Variants in JAK1 observed in about 807,000 individuals in gnomAD.
JAK1 encodes the protein Janus kinase 1.
In JAK1, 16 loss-of-function variants were observed where a neutral mutation model predicts 136.6. The ratio of observed to expected loss-of-function variants is 0.12; its 90% CI spans 0.08 to 0.18. The LOEUF is 0.18. Among genes scored for constraint, JAK1 ranks in the 10% least tolerant of loss-of-function variants. The pLI is 1.00. For missense variants in JAK1, 859 were observed against 1,450.1 expected (o/e 0.59, Z 6.62); for synonymous variants, 492 against 519.5 (o/e 0.95, Z 0.72).
At chr1:64,915,489 A>T (rs140185354) in intron 1 of JAK1, among the ~76,000 whole-genome samples, 111 of 152,342 alleles carry the variant, frequency 7.3e-4, no homozygotes, top group African/African-American at 2.5e-3. Context: ...AAAGAGGGCC[A>T]GAGAAAGGTG....
intron 2 of JAK1, among the ~76,000 whole-genome samples, chr1:65,040,108 G>C (rs968009468): frequency 6.6e-6 from 1 of 151,902 alleles, no homozygotes; most frequent in African/African-American, 2.4e-5. Flanking sequence ...CCAGCTACTC[G>C]GGAGGCTGAG....
chr1:64,942,236 G>A lies in JAK1; in HGVS notation c.-78+24097C>T, dbSNP rs180850463. The A allele has an allele frequency of 6.6e-5, 10 of 152,242 alleles. No individual in the cohort carries two copies. In the East Asian group the frequency reaches 1.2e-3, roughly 18 times the overall value. The allele number at this position is 152,242 out of a possible 1,614,324, so 9.4% of individuals were successfully genotyped here. Reference sequence around the variant, plus strand: ...AAAGATATACATATACTTCGTGTGGGAATTTATCATCATTTCACTCTGGAT... The same window carrying A: ...AAAGATATACATATACTTCGTGTGGAAATTTATCATCATTTCACTCTGGAT... On this transcript the variant is annotated intron_variant, in intron 1 of 24. Transcript: ENST00000342505.
At position 64,860,266 on chromosome 1, in the gene JAK1, T is replaced by TCG. The variant is rs1656204844; in HGVS notation, c.1177-5_1177-4insCG. ...CGTGGGAAGAGAGCTTCAGTTCCTG[T>TCG]TGAGAGAGAAGAAATTCCCACGGTT... On this transcript the variant is annotated splice_region_variant and splice_polypyrimidine_tract_variant and intron_variant, in intron 8 of 24. Coordinates refer to ENST00000342505, the MANE Select transcript of JAK1 (RefSeq NM_002227.4). 6.3e-7 allele frequency: 1 copy of TCG among 1,599,520 alleles called. No individual in the cohort carries two copies. Among genetic ancestry groups the TCG allele is most frequent in the African/African-American group, 1.3e-5 (1 of 74,522 alleles).
At chr1:64,950,364 G>A (rs1355061121) in intron 1 of JAK1, among the ~76,000 whole-genome samples, 2 of 150,960 alleles carry the variant, frequency 1.3e-5, no homozygotes, top group African/African-American at 4.9e-5. Flanking sequence ...CCGAGATCAT[G>A]CCACTGCACT....
intron 1 of JAK1, among the ~76,000 whole-genome samples, chr1:65,065,831 G>T (rs1648016749): frequency 6.6e-6 from 1 of 151,548 alleles, no homozygotes; most frequent in Admixed American, 6.6e-5. Flanking sequence ...TCCATTAGAA[G>T]ACCCAGAGGG....
intron 1 of JAK1, among the ~76,000 whole-genome samples, chr1:64,922,239 T>C (rs1377245502): frequency 6.7e-6 from 1 of 149,582 alleles, no homozygotes; most frequent in African/African-American, 2.4e-5. Flanking sequence ...CCCTGTACCC[T>C]GTATAAATAA....
Position 65,062,215 on chromosome 1 carries a change from A to T in JAK1, c.-181+5389T>A, listed in dbSNP as rs375088376. ...CCCCTTCAAACATGTACTCAGCACA[A>T]ATATTTTTAGTCCAACTGTATACTC... On this transcript the variant is annotated intron_variant, in intron 1 of 25. Coordinates refer to the JAK1 transcript ENST00000671954. Among the ~76,000 whole-genome samples the T allele has an allele frequency of 1.5e-4, 23 of 152,230 alleles. 1 individual carries two copies. The highest frequency in any genetic ancestry group is 3.3e-4 in the Admixed American group (5 of 15,292).
chr1:65,054,153 G>A (rs1647419166), intron 1 of JAK1, among the ~76,000 whole-genome samples: 1 of 152,070 alleles, frequency 6.6e-6, no homozygotes, highest in African/African-American at 2.4e-5. Context: ...ATCCCTTAGG[G>A]AAGGTTACTG....
chr1:64,940,833 G>A (rs1180691335), intron 1 of JAK1, among the ~76,000 whole-genome samples: 1 of 152,118 alleles, frequency 6.6e-6, no homozygotes, highest in East Asian at 1.9e-4. Flanking sequence ...TTCAAGAACA[G>A]AAAAAATATA....
intron 1 of JAK1, among the ~76,000 whole-genome samples, chr1:64,927,906 C>T (rs554602826): frequency 9.2e-4 from 140 of 152,332 alleles, no homozygotes; most frequent in Non-Finnish European, 1.6e-3. Context: ...AAAGTGATGG[C>T]TGAAATCCAA....
chr1:64,974,017 T>C (rs1036861905), intron 2 of JAK1: 6 of 152,218 alleles, frequency 3.9e-5, no homozygotes, highest in Non-Finnish European at 8.8e-5. Context: ...GAATCATGTA[T>C]GTATATATAA....
At chr1:64,959,171 A>C (rs1006025797) in intron 1 of JAK1, among the ~76,000 whole-genome samples, 13 of 152,244 alleles carry the variant, frequency 8.5e-5, no homozygotes, top group African/African-American at 3.1e-4. Flanking sequence ...ATCACGTGGC[A>C]ACAACTGTTC....
At chr1:64,846,346 G>A (rs1023050349) in intron 14 of JAK1, among the ~76,000 whole-genome samples, 2 of 152,074 alleles carry the variant, frequency 1.3e-5, no homozygotes, top group African/African-American at 2.4e-5. Flanking sequence ...AGCTCCTTGG[G>A]CCTGACTCTT....
intron 1 of JAK1, among the ~76,000 whole-genome samples, chr1:64,931,339 T>C (rs7419168): frequency 0.98 from 148,434 of 152,124 alleles, 72,491 homozygotes; most frequent in East Asian, 1. Flanking sequence ...CCGCACTCCA[T>C]GCAGACTACA....
intron 2 of JAK1, among the ~76,000 whole-genome samples, chr1:65,015,993 A>G (rs989488629): frequency 1.3e-5 from 2 of 152,254 alleles, no homozygotes; most frequent in Non-Finnish European, 2.9e-5. Flanking sequence ...TATACATACA[A>G]TGGAATATTA....
intron 2 of JAK1, among the ~76,000 whole-genome samples, chr1:64,978,829 C>T (rs1402504346): frequency 1.3e-5 from 2 of 151,180 alleles, no homozygotes; most frequent in Non-Finnish European, 2.9e-5. Flanking sequence ...AGGACACTTG[C>T]ATGCTGGATG....
At chr1:65,067,309 C>G (rs536966267) in intron 1 of JAK1, among the ~76,000 whole-genome samples, 33 of 150,150 alleles carry the variant, frequency 2.2e-4, no homozygotes, top group African/African-American at 7.0e-4. Flanking sequence ...GTGCGGATGC[C>G]TAGCGGGCCG....
Position 65,055,953 on chromosome 1 carries a change from TA to T in JAK1, c.-180-11372del, listed in dbSNP as rs367772896. Among the ~76,000 whole-genome samples the T allele has an allele frequency of 1.6e-4, 24 of 152,274 alleles. No homozygotes were observed. In the South Asian group the frequency reaches 4.8e-3, roughly 30 times the overall value. On this transcript the variant is annotated intron_variant, in intron 1 of 25. Transcript: ENST00000671954. Reference sequence around the variant, plus strand: ...ACCCAATGAATTTTTATAAAACTAGTAACGGGGAAAACAGGAAGATCAGGGA... The same window carrying T: ...ACCCAATGAATTTTTATAAAACTAGTACGGGGAAAACAGGAAGATCAGGGA...
chr1:65,001,332 G>T (rs527969509), intron 2 of JAK1, among the ~76,000 whole-genome samples: 6 of 152,172 alleles, frequency 3.9e-5, no homozygotes, highest in African/African-American at 1.4e-4. Context: ...CCCAGCCTCC[G>T]CCAGCAGAGG....
Sources: allele counts gnomAD v4.1 joint callset (sites outside exome capture counted in the v4.1 genomes callset), GRCh38; gene constraint gnomAD v4.1.1; transcripts MANE v1.5; gene names NCBI Gene and HGNC (gene_info 2026-07-23, HGNC 2026-07-21).